Variants in VPS35L observed in about 807,000 individuals in gnomAD.
VPS35L encodes the protein VPS35 endosomal protein sorting factor like, also known as VPS35 endosomal protein-sorting factor-like.
VPS35L carries 83 observed loss-of-function variants against 133.0 expected under a neutral mutation model. That is an observed-to-expected ratio of 0.62 (90% CI 0.52 to 0.75). VPS35L has a LOEUF of 0.75. Ranked by LOEUF, VPS35L falls within the 30% of genes least tolerant of loss-of-function variation. The pLI is 0.00. For missense variants in VPS35L, 1,083 were observed against 1,206.8 expected (o/e 0.90, Z 1.52); for synonymous variants, 423 against 449.9 (o/e 0.94, Z 0.76).
intron 2 of VPS35L, among the ~76,000 whole-genome samples, chr16:19,565,519 T>A (rs969905818): frequency 4.0e-5 from 6 of 150,170 alleles, no homozygotes; most frequent in Non-Finnish European, 5.9e-5. Flanking sequence ...ATTTTTGCTA[T>A]TTTTTTTATT....
rs777939797 is a variant in VPS35L, at chr16:19,592,081, C to CT, written c.724+218dup. ...AATTTCTAAAATTTTATTTTTTCTTCTTTTTTTTTTTGAGTCAGGGTCTTG... is the reference window on the plus strand; with the variant it reads ...AATTTCTAAAATTTTATTTTTTCTTCTTTTTTTTTTTTGAGTCAGGGTCTTG... On this transcript the variant is annotated intron_variant, in intron 8 of 30. Coordinates refer to ENST00000417362, the MANE Select transcript of VPS35L (RefSeq NM_020314.7). Among the ~76,000 whole-genome samples, 379 of 145,814 alleles carry CT rather than the reference C, an allele frequency of 2.6e-3. 3 individuals are homozygous for CT. Among genetic ancestry groups the CT allele is most frequent in the Middle Eastern group, 0.011 (3 of 280 alleles).
chr16:19,597,814 C>A (rs1052292275), intron 8 of VPS35L, among the ~76,000 whole-genome samples: 11 of 152,094 alleles, frequency 7.2e-5, no homozygotes, highest in African/African-American at 2.4e-4. Flanking sequence ...AGGAGTGAAA[C>A]CCTGACTTGC....
rs776458302 is a variant in VPS35L at position 19,629,772 on chromosome 16, C to T, written c.1506C>T (p.Tyr502=). 3 of 1,613,528 alleles carry T rather than the reference C, an allele frequency of 1.9e-6. No homozygotes were observed. In the Admixed American group the frequency reaches 5.0e-5, roughly 27 times the overall value. ...GTTTTCCTTTCTCTTTGTAGGACTA[C>T]ATTAATTGTGCCGAAGTGTGGGTGG... ...VITKLKNPQD[Y]INCAEVWVEY... is the part of the protein sequence containing the mutation. The change falls in exon 18 of 31, where the codon TAC becomes TAT. Residue 502 remains tyrosine, a synonymous_variant. Coordinates refer to ENST00000417362, the MANE Select transcript of VPS35L (RefSeq NM_020314.7).
chr16:19,684,251 T>C (rs1052816739), intron 28 of VPS35L, among the ~76,000 whole-genome samples: 1 of 152,220 alleles, frequency 6.6e-6, no homozygotes, highest in African/African-American at 2.4e-5. Flanking sequence ...CTTTTCCCAC[T>C]GAGCCCAAGT....
At chr16:19,647,986 C>A in intron 24 of VPS35L, 104 bp downstream of exon 24, 1 of 1,075,112 alleles carries the variant, frequency 9.3e-7, no homozygotes, top group Non-Finnish European at 1.4e-6. Flanking sequence ...CAGGGTCTCA[C>A]TCTGTCACCC....
intron 29 of VPS35L, among the ~76,000 whole-genome samples, chr16:19,698,452 A>G (rs1975993208): frequency 6.6e-6 from 1 of 152,142 alleles, no homozygotes; most frequent in Non-Finnish European, 1.5e-5. Context: ...AGGTCATCTA[A>G]GATATGCTCC....
chr16:19,634,041 A>G (rs1004534495), intron 19 of VPS35L, among the ~76,000 whole-genome samples: 4 of 152,030 alleles, frequency 2.6e-5, no homozygotes, highest in Non-Finnish European at 2.9e-5. Flanking sequence ...TTAACATTTT[A>G]CTACATATGC....
chr16:19,700,692 A>G lies in VPS35L; in HGVS notation c.*216A>G. 1.8e-6 allele frequency: 1 copy of G among 542,776 alleles called. No homozygotes were observed. The highest frequency in any genetic ancestry group is 3.1e-5 in the Admixed American group (1 of 32,060). 33.6% of individuals were successfully genotyped at this position (542,776 alleles called of 1,614,324 possible). A position where few individuals can be genotyped will look rare whatever the true frequency, so the allele number is the denominator to read the frequency against. On this transcript the variant is annotated 3_prime_UTR_variant, in exon 31 of 31. Coordinates refer to ENST00000417362, the MANE Select transcript of VPS35L (RefSeq NM_020314.7). ...TAAAATGCAATCTTCACTAAGAAGC[A>G]GTCTCTGTGTTGTCTTTGCACAAGT... is the stretch of plus-strand genomic sequence containing the variant.
chr16:19,564,616 C>T (rs1971128945), intron 1 of VPS35L, among the ~76,000 whole-genome samples: 1 of 152,166 alleles, frequency 6.6e-6, no homozygotes, highest in Non-Finnish European at 1.5e-5. Flanking sequence ...CCAGGCTGGT[C>T]TCAAACTCCT....
In VPS35L at chr16:19,682,351, G is replaced by T. The variant is rs747119819; in HGVS notation, c.2488G>T (p.Ala830Ser). ...CACCTGCGTCCTGCATCTCCTCTCCGCCATGAGCCAGGAGACGTACCTTTA... is the reference window on the plus strand; with the variant it reads ...CACCTGCGTCCTGCATCTCCTCTCCTCCATGAGCCAGGAGACGTACCTTTA... ...IYTCVLHLLS[A>S]MSQETYLYHI... Residue 830 changes from alanine (A) to serine (S), a missense_variant, in exon 28 of 31, where the codon GCC (alanine) becomes TCC (serine). Coordinates refer to ENST00000417362, the MANE Select transcript of VPS35L (RefSeq NM_020314.7). 1 of 1,614,186 alleles carries T rather than the reference G, an allele frequency of 6.2e-7. No homozygotes were observed. Among genetic ancestry groups the T allele is most frequent in the South Asian group, 1.1e-5 (1 of 91,084 alleles).
intron 27 of VPS35L, among the ~76,000 whole-genome samples, chr16:19,671,706 G>T (rs1974881377): frequency 1.3e-5 from 2 of 152,016 alleles, no homozygotes; most frequent in African/African-American, 4.8e-5. Context: ...GAACCTGGGA[G>T]GTAGCGGTTG....
chr16:19,662,474 G>C (rs1597406739), intron 26 of VPS35L, among the ~76,000 whole-genome samples: 1 of 152,196 alleles, frequency 6.6e-6, no homozygotes, highest in Non-Finnish European at 1.5e-5. Flanking sequence ...CCTGACTACA[G>C]CATTGGCCTC....
At chr16:19,698,295 C>G (rs1030606719) in intron 29 of VPS35L, among the ~76,000 whole-genome samples, 3 of 152,210 alleles carry the variant, frequency 2.0e-5, no homozygotes, top group Non-Finnish European at 2.9e-5. Context: ...ATGGCCACCA[C>G]TGGTGGCCCA....
chr16:19,619,148 A>G (rs952279882), intron 14 of VPS35L, among the ~76,000 whole-genome samples: 2 of 151,316 alleles, frequency 1.3e-5, no homozygotes, highest in Non-Finnish European at 2.9e-5. Flanking sequence ...TCTCGTGCTG[A>G]TCTCTAACTC....
At chr16:19,578,050 T>G (rs921089934) in intron 5 of VPS35L, among the ~76,000 whole-genome samples, 3 of 152,234 alleles carry the variant, frequency 2.0e-5, no homozygotes, top group Admixed American at 2.0e-4. Flanking sequence ...GATCAGGGGT[T>G]GGTAAACTGC....
chr16:19,619,605 C>A (rs755131228), intron 14 of VPS35L, among the ~76,000 whole-genome samples: 1 of 151,780 alleles, frequency 6.6e-6, no homozygotes, highest in Non-Finnish European at 1.5e-5. Flanking sequence ...AGATTAAAAA[C>A]AAAATGTCAC....
intron 5 of VPS35L, among the ~76,000 whole-genome samples, chr16:19,577,575 T>G (rs377239775): frequency 6.6e-6 from 1 of 152,206 alleles, no homozygotes; most frequent in East Asian, 1.9e-4. Flanking sequence ...AGAACACTTT[T>G]GCATTTTTTA....
At chr16:19,687,883 C>T (rs983551826) in intron 28 of VPS35L, among the ~76,000 whole-genome samples, 28 of 151,808 alleles carry the variant, frequency 1.8e-4, no homozygotes, top group Non-Finnish European at 3.2e-4. Context: ...GAGGCCAAGG[C>T]GGGAGGATCA....
In VPS35L at chr16:19,681,499, C is replaced by T. The variant is rs541327234; in HGVS notation, c.2362-726C>T. Among the ~76,000 whole-genome samples the T allele has an allele frequency of 2.7e-4, 41 of 152,272 alleles. 1 individual carries two copies. In the East Asian group the frequency reaches 7.3e-3, roughly 27 times the overall value. ...TAGCAAGGCCATGGAAGGGGCTGGC[C>T]GTGCAGAGCTTCTGCACAGAGTGAG... On this transcript the variant is annotated intron_variant, in intron 27 of 30. Coordinates refer to ENST00000417362, the MANE Select transcript of VPS35L (RefSeq NM_020314.7).
Sources: allele counts gnomAD v4.1 joint callset (sites outside exome capture counted in the v4.1 genomes callset), GRCh38; gene constraint gnomAD v4.1.1; transcripts MANE v1.5; gene names NCBI Gene and HGNC (gene_info 2026-07-23, HGNC 2026-07-21).